PPP3CC: variants seen among roughly 807,000 people sequenced by gnomAD.
PPP3CC encodes serine/threonine-protein phosphatase 2B catalytic subunit gamma isoform.
In PPP3CC, 35 loss-of-function variants were observed where a neutral mutation model predicts 60.3. The observed-to-expected ratio is 0.58, with a 90% CI of 0.44 to 0.77. PPP3CC has a LOEUF of 0.77. Among genes scored for constraint, PPP3CC ranks in the 30% least tolerant of loss-of-function variants. PPP3CC has a pLI of 0.00. For missense variants in PPP3CC, 570 were observed against 628.9 expected (o/e 0.91, Z 1.00); for synonymous variants, 206 against 224.3 (o/e 0.92, Z 0.73).
rs868151312 is a variant in PPP3CC, at chr8:22,441,368, C to T, written c.-42C>T. 4 of 1,514,038 alleles carry T rather than the reference C, an allele frequency of 2.6e-6. No individual in the cohort carries two copies. Among genetic ancestry groups the T allele is most frequent in the Non-Finnish European group, 3.5e-6 (4 of 1,132,896 alleles). 93.8% of individuals were successfully genotyped at this position (1,514,038 alleles called of 1,614,324 possible). A position where few individuals can be genotyped will look rare whatever the true frequency, so the allele number is the denominator to read the frequency against. On this transcript the variant is annotated 5_prime_UTR_variant, in exon 1 of 14. The change creates a new upstream start codon in the 5' untranslated region. Transcript: ENST00000240139. ...AGGCGGCGGCCGCGGCGTAGGCGCACGTCCGGCGGGCTCCTGGAGCCTGGA... is the reference window on the plus strand; with the variant it reads ...AGGCGGCGGCCGCGGCGTAGGCGCATGTCCGGCGGGCTCCTGGAGCCTGGA...
chr8:22,522,379 T>C lies in PPP3CC; in HGVS notation c.771-112T>C, dbSNP rs962410840. On this transcript the variant is annotated intron_variant, in intron 6 of 13. Transcript: ENST00000240139. ...TTCATAAAATTTCAGTAGTGTGTAA[T>C]ACTTGTAGTTTTGAAACAAAATCAG... is the stretch of plus-strand genomic sequence containing the variant. The C allele has an allele frequency of 3.9e-6, 3 of 761,592 alleles. No homozygotes were observed. The Admixed American group carries it at 8.0e-5, about 20-fold the overall frequency. 47.2% of individuals were successfully genotyped at this position (761,592 alleles called of 1,614,324 possible). A position where few individuals can be genotyped will look rare whatever the true frequency, so the allele number is the denominator to read the frequency against.
intron 1 of PPP3CC, among the ~76,000 whole-genome samples, chr8:22,458,575 G>T (rs1175386034): frequency 6.6e-6 from 1 of 151,146 alleles, no homozygotes. Context: ...TCCAGCCTGG[G>T]CAACAGAGCG....
At chr8:22,497,524 T>G (rs1021609728) in intron 3 of PPP3CC, among the ~76,000 whole-genome samples, 4 of 152,094 alleles carry the variant, frequency 2.6e-5, no homozygotes, top group African/African-American at 9.7e-5. Context: ...ATTATTTGAG[T>G]TAGTTTTATC....
chr8:22,457,099 T>G, intron 1 of PPP3CC, among the ~76,000 whole-genome samples: 1 of 135,748 alleles, frequency 7.4e-6, no homozygotes, highest in Non-Finnish European at 1.6e-5. Flanking sequence ...CCTTCCCTCC[T>G]TCCCCCTCCA....
At chr8:22,481,057 G>A (rs1838049317) in intron 3 of PPP3CC, among the ~76,000 whole-genome samples, 1 of 152,198 alleles carries the variant, frequency 6.6e-6, no homozygotes, top group African/African-American at 2.4e-5. Context: ...TCATTTGGCT[G>A]TGCGCAGTGG....
intron 12 of PPP3CC, among the ~76,000 whole-genome samples, chr8:22,534,174 G>A (rs1010289140): frequency 6.0e-4 from 88 of 146,182 alleles, no homozygotes; most frequent in African/African-American, 2.0e-3. Context: ...ACTCCAGCCC[G>A]GATCACAGAC....
chr8:22,514,919 C>T (rs1839202290), intron 6 of PPP3CC, among the ~76,000 whole-genome samples: 1 of 152,030 alleles, frequency 6.6e-6, no homozygotes, highest in Non-Finnish European at 1.5e-5. Flanking sequence ...CTCAAGTGAT[C>T]CACCCACCTC....
In PPP3CC at chr8:22,505,810, G is replaced by A. The variant is rs574231557; in HGVS notation, c.485-5276G>A. 2.0e-5 allele frequency among the ~76,000 whole-genome samples: 3 copies of A among 152,172 alleles called. No individual in the cohort carries two copies. The East Asian group carries it at 5.8e-4, about 29-fold the overall frequency. ...GTAACTAAATGATGTGAGGAGGCTA[G>A]AAGATAAGAGTTATTTGAATTCAGT... On this transcript the variant is annotated intron_variant, in intron 4 of 13. Coordinates refer to ENST00000240139, the MANE Select transcript of PPP3CC (RefSeq NM_005605.5).
chr8:22,454,565 G>A (rs1441547882), intron 1 of PPP3CC, among the ~76,000 whole-genome samples: 1 of 152,194 alleles, frequency 6.6e-6, no homozygotes, highest in Non-Finnish European at 1.5e-5. Context: ...GACTGGCAGT[G>A]CAGTAGGTTT....
At chr8:22,506,655 G>T (rs931894938) in intron 4 of PPP3CC, among the ~76,000 whole-genome samples, 3 of 152,104 alleles carry the variant, frequency 2.0e-5, no homozygotes, top group African/African-American at 7.2e-5. Context: ...TTTGAGCTAT[G>T]TTGGGGCCAG....
intron 10 of PPP3CC, 104 bp downstream of exon 10, chr8:22,528,681 G>T: frequency 1.2e-6 from 1 of 859,668 alleles, no homozygotes; most frequent in African/African-American, 1.7e-5. Context: ...TAAAAATAAA[G>T]TTAGTTCATT....
intron 1 of PPP3CC, among the ~76,000 whole-genome samples, chr8:22,466,232 A>G (rs763414250): frequency 1.9e-4 from 29 of 152,100 alleles, no homozygotes; most frequent in Non-Finnish European, 3.4e-4. Context: ...TATCCAGTCT[A>G]TCATTGATGG....
At chr8:22,448,826 A>T (rs1475061216) in intron 1 of PPP3CC, among the ~76,000 whole-genome samples, 1 of 152,252 alleles carries the variant, frequency 6.6e-6, no homozygotes, top group Non-Finnish European at 1.5e-5. Flanking sequence ...TTCAAAAAAA[A>T]ATCATTTGTA....
chr8:22,458,292 A>G (rs1319204904), intron 1 of PPP3CC, among the ~76,000 whole-genome samples: 3 of 152,074 alleles, frequency 2.0e-5, no homozygotes, highest in African/African-American at 4.8e-5. Context: ...TACAAATTTT[A>G]GAACTTCACT....
At chr8:22,476,079 A>G (rs1837879936) in intron 3 of PPP3CC, among the ~76,000 whole-genome samples, 1 of 152,226 alleles carries the variant, frequency 6.6e-6, no homozygotes, top group South Asian at 2.1e-4. Context: ...CATAGTAAGC[A>G]CTTAATAAAT....
Position 22,522,539 on chromosome 8 carries a change from T to C in PPP3CC, c.819T>C (p.Ile273=), listed in dbSNP as rs2117120319. The part of the protein sequence containing the change: ...EFLQNNNLLS[I]IRAHEAQDAG... ...TGCAGAACAATAATTTACTATCAATTATCAGAGCCCATGAAGCCCAAGATG... is the reference window on the plus strand; with the variant it reads ...TGCAGAACAATAATTTACTATCAATCATCAGAGCCCATGAAGCCCAAGATG... The change falls in exon 7 of 14, where the codon ATT becomes ATC. Residue 273 remains isoleucine, a synonymous_variant. Coordinates refer to ENST00000240139, the MANE Select transcript of PPP3CC (RefSeq NM_005605.5). The C allele has an allele frequency of 6.2e-7, 1 of 1,612,658 alleles. No individual in the cohort carries two copies. The highest frequency in any genetic ancestry group is 1.1e-5 in the South Asian group (1 of 90,662).
chr8:22,532,454 C>T (rs369786990), intron 11 of PPP3CC, 148 bp downstream of exon 11: 16 of 658,480 alleles, frequency 2.4e-5, no homozygotes, highest in Admixed American at 2.0e-4. Flanking sequence ...CATGTTTAAG[C>T]GACTAAAAAT....
At chr8:22,443,227 A>T (rs1210269640) in intron 1 of PPP3CC, among the ~76,000 whole-genome samples, 4 of 152,206 alleles carry the variant, frequency 2.6e-5, no homozygotes, top group African/African-American at 9.6e-5. Flanking sequence ...AAAAAGTTAA[A>T]ATGCAGGGGC....
At chr8:22,475,693 G>A (rs1394448004) in intron 3 of PPP3CC, 69 bp downstream of exon 3, 1 of 1,403,974 alleles carries the variant, frequency 7.1e-7, no homozygotes, top group East Asian at 2.5e-5. Flanking sequence ...CCATTCTTCA[G>A]TAGAAGAAAT....
Sources: allele counts gnomAD v4.1 joint callset (sites outside exome capture counted in the v4.1 genomes callset), GRCh38; gene constraint gnomAD v4.1.1; transcripts MANE v1.5; gene names NCBI Gene and HGNC (gene_info 2026-07-23, HGNC 2026-07-21).